The following CACNA1G variants were observed in gnomAD, a reference collection of about 807,000 sequenced individuals.
The protein encoded by CACNA1G is calcium voltage-gated channel subunit alpha1 G.
A neutral mutation model predicts 219.4 loss-of-function variants in CACNA1G; 67 were observed. The observed-to-expected ratio is 0.31, with a 90% CI of 0.25 to 0.37. CACNA1G has a LOEUF of 0.37. Ranked by LOEUF, CACNA1G falls within the 10% of genes least tolerant of loss-of-function variation. CACNA1G has a pLI of 1.00. For missense variants in CACNA1G, 2,380 were observed against 3,231.4 expected (o/e 0.74, Z 6.39); for synonymous variants, 1,296 against 1,345.3 (o/e 0.96, Z 0.80).
chr17:50,578,263 G>A lies in CACNA1G; in HGVS notation c.2000G>A (p.Cys667Tyr), dbSNP rs1209258282. The A allele has an allele frequency of 1.2e-6, 2 of 1,612,626 alleles. No individual in the cohort carries two copies. The highest frequency in any genetic ancestry group is 1.7e-5 in the Admixed American group (1 of 59,928). The change falls in exon 9 of 38, where the codon TGC (cysteine) becomes TAC (tyrosine). Residue 667 changes from cysteine to tyrosine, a missense_variant. Physicochemically the swap from Cys to Tyr is radical, Grantham distance 194. Around this residue, in one of 17 missense-constraint regions of CACNA1G, gnomAD observed 434 missense variants for 417.3 expected, o/e 1.04. Coordinates refer to ENST00000359106, the MANE Select transcript of CACNA1G (RefSeq NM_018896.5). This position sits in a 1 kb window ranked among gnomAD's most constrained non-coding sequence, Gnocchi z 4.5. The stretch of plus-strand genomic sequence containing the variant: ...AGTGGAGCCTGTGGTCCAGACAGCT[G>A]CCCCTACTGTGCCCGGGCCGGGGCA... ...ADSGACGPDSCPYCARAGAGE... is the reference protein window; with the variant it reads ...ADSGACGPDSYPYCARAGAGE...
chr17:50,610,537 A>G (rs1315363142), intron 26 of CACNA1G, among the ~76,000 whole-genome samples: 1 of 152,096 alleles, frequency 6.6e-6, no homozygotes, highest in African/African-American at 2.4e-5. Context: ...TGTCTCTGGG[A>G]AGACTCTCCT....
chr17:50,584,084 G>A (rs1205386910), intron 9 of CACNA1G, among the ~76,000 whole-genome samples: 12 of 152,304 alleles, frequency 7.9e-5, no homozygotes, highest in South Asian at 6.2e-4. Flanking sequence ...GGCGCCACCC[G>A]GGAAGGAGCA....
At chr17:50,563,816 G>A (rs2036795667) in intron 1 of CACNA1G, 3 of 152,210 alleles carry the variant, frequency 2.0e-5, no homozygotes. Flanking sequence ...TTTTTTGGCA[G>A]GGGACTGCCT....
Position 50,591,786 on chromosome 17 carries a change from A to T in CACNA1G, c.2687A>T (p.Asp896Val), listed in dbSNP as rs2044398197. ...GGCTGCAAGTTTGCCTCTGAGCGGG[A>T]TGGGGACACCCTGCCAGACCGGAAG... ...LFGCKFASERDGDTLPDRKNF... is the reference protein window; with the variant it reads ...LFGCKFASERVGDTLPDRKNF... Residue 896 changes from aspartate to valine, a missense_variant, in exon 12 of 38, where the codon GAT becomes GTT. Around this residue, in one of 17 missense-constraint regions of CACNA1G, gnomAD observed 43 missense variants for 139.4 expected, o/e 0.31. Transcript: ENST00000359106. The T allele has an allele frequency of 6.2e-7, 1 of 1,613,734 alleles. No individual in the cohort carries two copies. The highest frequency in any genetic ancestry group is 1.3e-5 in the African/African-American group (1 of 74,876).
chr17:50,567,647 G>A (rs571314179), intron 1 of CACNA1G, among the ~76,000 whole-genome samples: 6 of 152,174 alleles, frequency 3.9e-5, no homozygotes, highest in Non-Finnish European at 8.8e-5. Context: ...TCCCCAGGGG[G>A]TCTCTGGTCT....
intron 10 of CACNA1G, among the ~76,000 whole-genome samples, chr17:50,590,987 G>A (rs2044199111): frequency 2.0e-5 from 3 of 152,248 alleles, no homozygotes; most frequent in South Asian, 4.1e-4. Flanking sequence ...CCAGCTGCCC[G>A]GCTCGAAAAG....
intron 9 of CACNA1G, among the ~76,000 whole-genome samples, chr17:50,589,912 C>CTCTG (rs1326523232): frequency 1.4e-3 from 201 of 141,920 alleles, no homozygotes; most frequent in East Asian, 3.4e-3. Context: ...CTCTCTCTCT[C>CTCTG]TGTGTGTGTG....
At position 50,561,763 on chromosome 17, in the gene CACNA1G, G is replaced by C. The variant is rs2035671720; in HGVS notation, c.242+62G>C. 8 of 1,473,400 alleles carry C rather than the reference G, an allele frequency of 5.4e-6. No individual in the cohort carries two copies. In the Admixed American group the frequency reaches 1.7e-4, roughly 32 times the overall value. 91.3% of individuals were successfully genotyped at this position (1,473,400 alleles called of 1,614,324 possible). On this transcript the variant is annotated intron_variant, in intron 1 of 37. Coordinates refer to ENST00000359106, the MANE Select transcript of CACNA1G (RefSeq NM_018896.5). ...GAAGGGGGACGGGCCGCACCGCCGG[G>C]GGTCGGGGGGGAAGAAGACCCACCG...
rs1196027578 is a variant in CACNA1G, at chr17:50,572,554, C to T, written c.747C>T (p.Leu249=). 1 of 1,530,980 alleles carries T rather than the reference C, an allele frequency of 6.5e-7. No individual in the cohort carries two copies. The highest frequency in any genetic ancestry group is 8.8e-7 in the Non-Finnish European group (1 of 1,136,928). The allele number at this position is 1,530,980 out of a possible 1,614,324, so 94.8% of individuals were successfully genotyped here. A position where few individuals can be genotyped will look rare whatever the true frequency, so the allele number is the denominator to read the frequency against. Reference sequence around the variant, plus strand: ...CCCTGTTCCCCTTCCCATCCTGCAGCCCCCTGAGCGTGGACCTGGAGCGCT... The same window carrying T: ...CCCTGTTCCCCTTCCCATCCTGCAGTCCCCTGAGCGTGGACCTGGAGCGCT... The part of the protein sequence containing the change: ...NRCFLPENFS[L]PLSVDLERYY... The change falls in exon 6 of 38, where the codon CTC becomes CTT. Residue 249 remains leucine, a splice_region_variant and synonymous_variant. Coordinates refer to ENST00000359106, the MANE Select transcript of CACNA1G (RefSeq NM_018896.5).
In CACNA1G at chr17:50,578,670, A is replaced by C; in HGVS notation, c.2301+106A>C. ...TCCTCCTGAGCTCAGCTTCCTCTCC[A>C]TGCTGCTAGCCCACCTGGCAGGTAG... On this transcript the variant is annotated intron_variant, in intron 9 of 37. Transcript: ENST00000359106. This position sits in a 1 kb window ranked among gnomAD's most constrained non-coding sequence, Gnocchi z 4.5. The C allele has an allele frequency of 1.7e-6, 2 of 1,164,306 alleles. No individual in the cohort carries two copies. Among genetic ancestry groups the C allele is most frequent in the Non-Finnish European group, 2.4e-6 (2 of 845,432 alleles). The allele number at this position is 1,164,306 out of a possible 1,614,324, so 72.1% of individuals were successfully genotyped here. A position where few individuals can be genotyped will look rare whatever the true frequency, so the allele number is the denominator to read the frequency against.
In CACNA1G at chr17:50,618,936, C is replaced by G. The variant is rs747473815; in HGVS notation, c.5709C>G (p.Ser1903Arg). Residue 1903 changes from serine to arginine, a missense_variant, in exon 33 of 38, where the codon AGC becomes AGG. Ser to Arg is a moderately radical substitution (Grantham distance 110). Transcript: ENST00000359106. The surrounding 1 kb of genome is among the most constrained non-coding windows in gnomAD (Gnocchi z 5.3). ...TCGAGGGCCCCGACAGCCCCGACAGCCCCAAGCCTGGGGCTCTGCACCCAG... is the reference window on the plus strand; with the variant it reads ...TCGAGGGCCCCGACAGCCCCGACAGGCCCAAGCCTGGGGCTCTGCACCCAG... ...PGVEGPDSPD[S>R]PKPGALHPAA... 1 of 1,600,794 alleles carries G rather than the reference C, an allele frequency of 6.2e-7. No individual in the cohort carries two copies. Among genetic ancestry groups the G allele is most frequent in the South Asian group, 1.1e-5 (1 of 90,004 alleles).
chr17:50,619,692 C>A lies in CACNA1G; in HGVS notation c.5791C>A (p.Leu1931Met). 6.2e-7 allele frequency: 1 copy of A among 1,609,918 alleles called. No homozygotes were observed. ...CGGGCTGGCTCCCCAGGACAGGCAG[C>A]TGTTTGACACCATATCCCTGCTGAT... ...FSLEHPTDRQ[L>M]FDTISLLIQG... The change falls in exon 34 of 38, where the codon CTG (leucine) becomes ATG (methionine). Residue 1931 changes from leucine to methionine, a missense_variant. Coordinates refer to ENST00000359106, the MANE Select transcript of CACNA1G (RefSeq NM_018896.5).
At chr17:50,619,039 G>A (rs1347462854) in intron 33 of CACNA1G, 31 bp downstream of exon 33, 1 of 1,467,916 alleles carries the variant, frequency 6.8e-7, no homozygotes, top group East Asian at 2.3e-5. Context: ...GCCGTGAGAG[G>A]AGCTGGGGCA....
At position 50,626,401 on chromosome 17, in the gene CACNA1G, C is replaced by T. The variant is rs1219792480; in HGVS notation, c.6784C>T (p.Leu2262=). ...CTGCCAGCGCCGGCCTACGTCCTGG[C>T]TGGATGAGCAGAGGAGACACTCTAT... The part of the protein sequence containing the change: ...QSCQRRPTSW[L]DEQRRHSIAV... Residue 2262 remains leucine, a synonymous_variant, in exon 38 of 38, where the codon CTG becomes TTG. Transcript: ENST00000359106. This position sits in a 1 kb window ranked among gnomAD's most constrained non-coding sequence, Gnocchi z 4.3. 2 of 1,611,224 alleles carry T rather than the reference C, an allele frequency of 1.2e-6. No individual in the cohort carries two copies. The highest frequency in any genetic ancestry group is 1.7e-6 in the Non-Finnish European group (2 of 1,179,106).
chr17:50,573,304 G>A (rs1375036773), intron 7 of CACNA1G, 191 bp downstream of exon 7: 3 of 581,354 alleles, frequency 5.2e-6, no homozygotes, highest in Non-Finnish European at 9.3e-6. Flanking sequence ...GTCAAGGCGG[G>A]ACTTAACTGC....
chr17:50,600,656 C>A lies in CACNA1G; in HGVS notation c.3691-70C>A. On this transcript the variant is annotated intron_variant, in intron 17 of 37. Transcript: ENST00000359106. The surrounding 1 kb of genome is among the most constrained non-coding windows in gnomAD (Gnocchi z 4.1). ...TAGACAAGGAGTGAGGCTCGTGACT[C>A]TGCTGAGGAGCCAGGAGCCGGGGAA... 1.5e-6 allele frequency: 2 copies of A among 1,337,792 alleles called. No homozygotes were observed. The highest frequency in any genetic ancestry group is 2.1e-6 in the Non-Finnish European group (2 of 932,826). 82.9% of individuals were successfully genotyped at this position (1,337,792 alleles called of 1,614,324 possible).
chr17:50,597,184 G>A lies in CACNA1G; in HGVS notation c.3258+261G>A, dbSNP rs4794167. 0.39 allele frequency among the ~76,000 whole-genome samples: 58,659 copies of A among 151,992 alleles called. 12,712 individuals are homozygous for A. The highest frequency in any genetic ancestry group is 0.87 in the East Asian group (4,485 of 5,170). Reference sequence around the variant, plus strand: ...GAGTGACCTCGGGCAAGACGCCACCGCTCTGATCTGCTTCTGTAAAATGGA... The same window carrying A: ...GAGTGACCTCGGGCAAGACGCCACCACTCTGATCTGCTTCTGTAAAATGGA... On this transcript the variant is annotated intron_variant, in intron 16 of 37. Transcript: ENST00000359106.
In CACNA1G at chr17:50,571,758, G is replaced by A. The variant is rs2039484454; in HGVS notation, c.587-120G>A. The A allele has an allele frequency of 2.1e-6, 2 of 969,196 alleles. No homozygotes were observed. Among genetic ancestry groups the A allele is most frequent in the African/African-American group, 1.6e-5 (1 of 62,086 alleles). 60.0% of individuals were successfully genotyped at this position (969,196 alleles called of 1,614,324 possible). A position where few individuals can be genotyped will look rare whatever the true frequency, so the allele number is the denominator to read the frequency against. On this transcript the variant is annotated intron_variant, in intron 4 of 37. Transcript: ENST00000359106. This position sits in a 1 kb window ranked among gnomAD's most constrained non-coding sequence, Gnocchi z 4.3. ...TGTCTGTTGGTCTCCCCTCCAGCTTGAGCCGGGCCGTCTCAGCCTCAGAGT... is the reference window on the plus strand; with the variant it reads ...TGTCTGTTGGTCTCCCCTCCAGCTTAAGCCGGGCCGTCTCAGCCTCAGAGT...
chr17:50,578,571 G>C lies in CACNA1G; in HGVS notation c.2301+7G>C. On this transcript the variant is annotated splice_region_variant and intron_variant, in intron 9 of 37. Transcript: ENST00000359106. The surrounding 1 kb of genome is among the most constrained non-coding windows in gnomAD (Gnocchi z 4.5). ...CATCGAATACCACGAGCAGGTAGGA[G>C]AGTGGGCAGAGGCAGGGCTCCTGCC... is the stretch of plus-strand genomic sequence containing the variant. The C allele has an allele frequency of 1.9e-6, 3 of 1,540,042 alleles. No homozygotes were observed. Among genetic ancestry groups the C allele is most frequent in the South Asian group, 2.5e-5 (2 of 79,142 alleles).
Sources: allele counts gnomAD v4.1 joint callset (sites outside exome capture counted in the v4.1 genomes callset), GRCh38; gene constraint gnomAD v4.1.1; regional missense constraint gnomAD v4.1.1; non-coding constraint Gnocchi (gnomAD v3.1); transcripts MANE v1.5; gene names NCBI Gene and HGNC (gene_info 2026-07-23, HGNC 2026-07-21).